RAPGEF5: variants seen among roughly 807,000 people sequenced by gnomAD.
RAPGEF5 encodes the protein Rap guanine nucleotide exchange factor 5, also known as M-Ras-regulated GEF.
In RAPGEF5, 65 loss-of-function variants were observed where a neutral mutation model predicts 125.2. That is an observed-to-expected ratio of 0.52 (90% CI 0.43 to 0.64). The LOEUF is 0.64. RAPGEF5 is among the 30% of genes least tolerant of loss of function. The pLI is 0.00. For missense variants in RAPGEF5, 958 were observed against 1,048.1 expected (o/e 0.91, Z 1.19); for synonymous variants, 391 against 385.9 (o/e 1.01, Z -0.16).
chr7:22,267,920 G>T (rs1444832923), intron 6 of RAPGEF5, among the ~76,000 whole-genome samples: 1 of 151,596 alleles, frequency 6.6e-6, no homozygotes, highest in Non-Finnish European at 1.5e-5. Context: ...TTGCAGTAAT[G>T]ACACTTTAAA....
chr7:22,195,196 GA>G (rs549496821), intron 9 of RAPGEF5, among the ~76,000 whole-genome samples: 37 of 152,012 alleles, frequency 2.4e-4, no homozygotes, highest in African/African-American at 8.4e-4. Flanking sequence ...CCCCAACAGA[GA>G]AAAAAATATC....
intron 15 of RAPGEF5, 124 bp downstream of exon 15, chr7:22,157,731 G>A (rs1323317060): frequency 3.8e-6 from 4 of 1,054,624 alleles, no homozygotes; most frequent in Non-Finnish European, 5.7e-6. Context: ...GCAGCCCCAG[G>A]CGCCCCGCCT....
chr7:22,348,990 C>G (rs1416150468), intron 1 of RAPGEF5, among the ~76,000 whole-genome samples: 1 of 150,682 alleles, frequency 6.6e-6, no homozygotes, highest in African/African-American at 2.4e-5. Flanking sequence ...GGGAGGGAGG[C>G]TGAGGCACAA....
At chr7:22,199,531 G>GAAAAAAAAAAAAAAA (rs35024654) in intron 9 of RAPGEF5, among the ~76,000 whole-genome samples, 1 of 62,834 alleles carries the variant, frequency 1.6e-5, no homozygotes, top group Non-Finnish European at 2.8e-5. Flanking sequence ...CCTTAAAATT[G>GAAAAAAAAAAAAAAA]AAAAAAAAAA....
At chr7:22,267,155 T>C in intron 6 of RAPGEF5, 143 bp from the exon 7 acceptor site, 1 of 709,858 alleles carries the variant, frequency 1.4e-6, no homozygotes, top group Non-Finnish European at 2.2e-6. Context: ...TTTTTGATTT[T>C]TGCTTGTTTT....
intron 11 of RAPGEF5, among the ~76,000 whole-genome samples, chr7:22,174,962 G>C (rs949996625): frequency 1.3e-5 from 2 of 152,184 alleles, no homozygotes; most frequent in African/African-American, 4.8e-5. Context: ...AAAGAGGATG[G>C]CTATGGCCAA....
rs767446837 is a variant in RAPGEF5, at chr7:22,273,953, C to T, written c.748-6941G>A. On this transcript the variant is annotated intron_variant, in intron 6 of 25. Transcript: ENST00000665637. ...AGAATGACCAGGAGATAGTCACCTC[C>T]CTGTAGTTCAACTTGACGAACACAG... is the stretch of plus-strand genomic sequence containing the variant. Among the ~76,000 whole-genome samples the T allele has an allele frequency of 4.9e-4, 75 of 152,124 alleles. 1 individual carries two copies. The highest frequency in any genetic ancestry group is 8.5e-4 in the Admixed American group (13 of 15,282).
chr7:22,198,692 C>T (rs1405751063), intron 9 of RAPGEF5, among the ~76,000 whole-genome samples: 1 of 152,126 alleles, frequency 6.6e-6, no homozygotes, highest in Non-Finnish European at 1.5e-5. Flanking sequence ...GAGGAATCAG[C>T]CACAACCAGG....
intron 11 of RAPGEF5, among the ~76,000 whole-genome samples, chr7:22,179,258 T>C (rs1784600975): frequency 6.6e-6 from 1 of 152,206 alleles, no homozygotes; most frequent in Admixed American, 6.5e-5. Flanking sequence ...GAATATTTCT[T>C]AGTTCATGTT....
intron 1 of RAPGEF5, among the ~76,000 whole-genome samples, chr7:22,339,103 G>A (rs1456952658): frequency 6.6e-6 from 1 of 152,134 alleles, no homozygotes; most frequent in African/African-American, 2.4e-5. Context: ...ACACTCGACT[G>A]GTAAGAGAAG....
intron 11 of RAPGEF5, among the ~76,000 whole-genome samples, chr7:22,167,820 TATC>T (rs1282424845): frequency 6.6e-6 from 1 of 152,206 alleles, no homozygotes; most frequent in Non-Finnish European, 1.5e-5. Flanking sequence ...GTTACATTGT[TATC>T]ATCTTTGTGC....
At chr7:22,213,396 A>C (rs1050043354) in intron 9 of RAPGEF5, among the ~76,000 whole-genome samples, 1 of 152,218 alleles carries the variant, frequency 6.6e-6, no homozygotes, top group Non-Finnish European at 1.5e-5. Context: ...TGTTTGCCAG[A>C]TTTTACTTCC....
intron 23 of RAPGEF5, among the ~76,000 whole-genome samples, chr7:22,132,585 C>T (rs1782948506): frequency 6.6e-6 from 1 of 152,128 alleles, no homozygotes; most frequent in African/African-American, 2.4e-5. Context: ...CAAATGCAAA[C>T]CTGTGCACAC....
At chr7:22,337,533 T>C (rs2128386091) in intron 1 of RAPGEF5, among the ~76,000 whole-genome samples, 1 of 152,288 alleles carries the variant, frequency 6.6e-6, no homozygotes, top group East Asian at 1.9e-4. Flanking sequence ...TTGTGGCCTT[T>C]TATTAGTTTT....
At chr7:22,184,104 CA>C (rs1490790818) in intron 11 of RAPGEF5, among the ~76,000 whole-genome samples, 1 of 152,206 alleles carries the variant, frequency 6.6e-6, no homozygotes, top group Non-Finnish European at 1.5e-5. Flanking sequence ...GCAAAAGCCA[CA>C]TCTGCGAAGC....
At chr7:22,280,525 T>G (rs1361100142) in intron 6 of RAPGEF5, among the ~76,000 whole-genome samples, 2 of 152,150 alleles carry the variant, frequency 1.3e-5, no homozygotes, top group African/African-American at 4.8e-5. Flanking sequence ...GAGACTGCTC[T>G]GAGAAAGCTG....
At chr7:22,230,419 C>T (rs1476558758) in intron 8 of RAPGEF5, among the ~76,000 whole-genome samples, 1 of 152,214 alleles carries the variant, frequency 6.6e-6, no homozygotes, top group Admixed American at 6.5e-5. Flanking sequence ...GCTGGCAGCA[C>T]TAGGGTGTCC....
intron 9 of RAPGEF5, among the ~76,000 whole-genome samples, chr7:22,211,995 C>G (rs1217863727): frequency 6.0e-5 from 8 of 133,528 alleles, no homozygotes; most frequent in Middle Eastern, 4.2e-3. Flanking sequence ...TAGACCGAGT[C>G]TCGCACTGTT....
chr7:22,160,574 T>C lies in RAPGEF5; in HGVS notation c.1470A>G (p.Pro490=), dbSNP rs1477325992. The part of the protein sequence containing the change: ...RNVLDDVYEY[P]ILEKELKEFQ... ...ATTCTTTCAATTCTTTTTCAAGTAT[T>C]GGATATTCATAAACATCATCCAGTA... Residue 490 remains proline, a synonymous_variant, in exon 14 of 26, where the codon CCA becomes CCG. Transcript: ENST00000665637. 1 of 1,549,168 alleles carries C rather than the reference T, an allele frequency of 6.5e-7. No individual in the cohort carries two copies. Among genetic ancestry groups the C allele is most frequent in the East Asian group, 2.4e-5 (1 of 41,420 alleles).
Sources: allele counts gnomAD v4.1 joint callset (sites outside exome capture counted in the v4.1 genomes callset), GRCh38; gene constraint gnomAD v4.1.1; transcripts MANE v1.5; gene names NCBI Gene and HGNC (gene_info 2026-07-23, HGNC 2026-07-21).